HS3ST4: variants seen among roughly 807,000 people sequenced by gnomAD.
HS3ST4 encodes the protein heparan sulfate-glucosamine 3-sulfotransferase 4, also known as heparan sulfate glucosamine 3-O-sulfotransferase 4.
In HS3ST4, 17 loss-of-function variants were observed where a neutral mutation model predicts 29.2. The observed-to-expected ratio is 0.58, with a 90% CI of 0.40 to 0.87. The LOEUF (loss-of-function observed/expected upper bound fraction) is 0.87, where lower values mean the gene tolerates loss of function less well. Among genes scored for constraint, HS3ST4 ranks in the 40% least tolerant of loss-of-function variants. The pLI, the probability that HS3ST4 is intolerant of heterozygous loss-of-function variation, is 0.00. For missense variants in HS3ST4, 627 were observed against 634.5 expected (o/e 0.99, Z 0.13); for synonymous variants, 314 against 285.7 (o/e 1.10, Z -1.00).
intron 1 of HS3ST4, among the ~76,000 whole-genome samples, chr16:25,941,565 C>CGTTTTT (rs1175747066): frequency 6.6e-6 from 1 of 151,630 alleles, no homozygotes; most frequent in African/African-American, 2.4e-5. Context: ...GTTTTTGCTT[C>CGTTTTT]GTTTTTGTTT....
chr16:26,048,367 C>A (rs906262403), intron 1 of HS3ST4, among the ~76,000 whole-genome samples: 1 of 152,160 alleles, frequency 6.6e-6, no homozygotes, highest in Non-Finnish European at 1.5e-5. Flanking sequence ...AGATTGTCGA[C>A]CATATAGCAC....
chr16:25,710,970 C>T (rs1966411537), intron 1 of HS3ST4, among the ~76,000 whole-genome samples: 1 of 151,692 alleles, frequency 6.6e-6, no homozygotes, highest in Middle Eastern at 3.4e-3. Flanking sequence ...ACATGCACCA[C>T]TATGCCCAAC....
chr16:26,033,900 C>T (rs116319410), intron 1 of HS3ST4, among the ~76,000 whole-genome samples: 98 of 152,186 alleles, frequency 6.4e-4, no homozygotes, highest in African/African-American at 2.2e-3. Context: ...ATGAAGGCTG[C>T]GGTGTAGTCA....
intron 1 of HS3ST4, among the ~76,000 whole-genome samples, chr16:25,958,425 G>T (rs1968758376): frequency 6.6e-6 from 1 of 151,690 alleles, no homozygotes; most frequent in South Asian, 2.1e-4. Context: ...TCTGCCTCCT[G>T]AATTCAAGTG....
At chr16:25,807,265 C>T (rs1236493330) in intron 1 of HS3ST4, among the ~76,000 whole-genome samples, 4 of 152,220 alleles carry the variant, frequency 2.6e-5, no homozygotes, top group Non-Finnish European at 1.5e-5. Flanking sequence ...TGAGCCACCA[C>T]GCCCGGCCTC....
At chr16:25,934,865 G>GC (rs140662513) in intron 1 of HS3ST4, among the ~76,000 whole-genome samples, 1,575 of 152,074 alleles carry the variant, frequency 0.01, 16 homozygotes, top group Non-Finnish European at 0.017. Context: ...ATATTCCCCT[G>GC]CCCCCGCAAC....
At chr16:26,007,761 G>A (rs1969271249) in intron 1 of HS3ST4, among the ~76,000 whole-genome samples, 1 of 152,114 alleles carries the variant, frequency 6.6e-6, no homozygotes, top group Admixed American at 6.6e-5. Context: ...AACTATTTTA[G>A]TAGAACTTTC....
At chr16:25,986,614 T>C (rs1969066210) in intron 1 of HS3ST4, among the ~76,000 whole-genome samples, 1 of 152,192 alleles carries the variant, frequency 6.6e-6, no homozygotes, top group African/African-American at 2.4e-5. Flanking sequence ...AAATGTTATT[T>C]TAGTCCTGAC....
At chr16:26,041,674 GA>G (rs547637259) in intron 1 of HS3ST4, among the ~76,000 whole-genome samples, 3 of 150,440 alleles carry the variant, frequency 2.0e-5, no homozygotes, top group Admixed American at 6.6e-5. Context: ...TCGAGACATA[GA>G]AAAAAAAATG....
intron 1 of HS3ST4, among the ~76,000 whole-genome samples, chr16:25,773,518 GGTGTGTGGCACTTAATAAAT>G (rs1379083581): frequency 2.0e-5 from 3 of 152,132 alleles, no homozygotes; most frequent in Non-Finnish European, 4.4e-5. Context: ...TCCCTAGCAT[GGTGTGTGGCACTTAATAAAT>G]GTTTGATGAG....
chr16:26,002,786 AAAG>A (rs1004012569), intron 1 of HS3ST4, among the ~76,000 whole-genome samples: 4 of 152,024 alleles, frequency 2.6e-5, no homozygotes, highest in Non-Finnish European at 4.4e-5. Context: ...GGAAAGAAAG[AAAG>A]AAAAAGAAAG....
At chr16:25,802,758 CA>C (rs1215089713) in intron 1 of HS3ST4, among the ~76,000 whole-genome samples, 1 of 152,028 alleles carries the variant, frequency 6.6e-6, no homozygotes, top group African/African-American at 2.4e-5. Context: ...TTATATCCTC[CA>C]TCAAAATGTT....
chr16:26,101,279 G>A (rs1321362246), intron 1 of HS3ST4, among the ~76,000 whole-genome samples: 1 of 152,190 alleles, frequency 6.6e-6, no homozygotes, highest in Non-Finnish European at 1.5e-5. Flanking sequence ...TTTTCTTGGG[G>A]TTAGCTTGCT....
chr16:25,764,276 A>G (rs1966805017), intron 1 of HS3ST4, among the ~76,000 whole-genome samples: 1 of 152,214 alleles, frequency 6.6e-6, no homozygotes, highest in Non-Finnish European at 1.5e-5. Flanking sequence ...TGCAGGAGAA[A>G]GAGAGGGTGA....
At chr16:25,726,433 G>C (rs1044603275) in intron 1 of HS3ST4, among the ~76,000 whole-genome samples, 1 of 151,966 alleles carries the variant, frequency 6.6e-6, no homozygotes, top group African/African-American at 2.4e-5. Flanking sequence ...GTGAACAAAT[G>C]GGTATGAAAC....
intron 1 of HS3ST4, among the ~76,000 whole-genome samples, chr16:25,879,460 G>A (rs557212879): frequency 1.2e-3 from 180 of 152,116 alleles, no homozygotes; most frequent in Non-Finnish European, 1.7e-3. Flanking sequence ...GTCTCGCATG[G>A]CAGCAGACAA....
At chr16:26,122,193 A>AG (rs1464435838) in intron 1 of HS3ST4, among the ~76,000 whole-genome samples, 1 of 152,004 alleles carries the variant, frequency 6.6e-6, no homozygotes, top group Non-Finnish European at 1.5e-5. Flanking sequence ...AAAAAAAAAA[A>AG]AAATCACATA....
intron 1 of HS3ST4, among the ~76,000 whole-genome samples, chr16:25,849,797 G>A (rs570621357): frequency 1.3e-5 from 2 of 151,684 alleles, no homozygotes; most frequent in African/African-American, 2.4e-5. Flanking sequence ...GTGAGCCACC[G>A]TGCCTCACTT....
intron 1 of HS3ST4, among the ~76,000 whole-genome samples, chr16:26,021,654 G>C (rs1969414826): frequency 6.6e-6 from 1 of 151,640 alleles, no homozygotes; most frequent in Non-Finnish European, 1.5e-5. Context: ...TCCAATCTAA[G>C]TTCTATTATT....
Sources: gnomAD v4.1 joint callset for allele counts (sites outside exome capture counted in the v4.1 genomes callset) on GRCh38, gnomAD v4.1.1 for gene constraint, MANE v1.5 for transcripts, NCBI Gene and HGNC (gene_info 2026-07-23, HGNC 2026-07-21) for gene names.